The following PCSK5 variants were observed in gnomAD, a reference collection of about 807,000 sequenced individuals.
PCSK5 encodes prohormone convertase 5.
A neutral mutation model predicts 233.2 loss-of-function variants in PCSK5; 129 were observed. The observed-to-expected ratio is 0.55, with a 90% CI of 0.48 to 0.64. PCSK5 has a LOEUF of 0.64. Ranked by LOEUF, PCSK5 falls within the 30% of genes least tolerant of loss-of-function variation. PCSK5 has a pLI of 0.00. For synonymous variants in PCSK5, 825 were observed against 879.2 expected (o/e 0.94, Z 1.09); for missense variants, 2,076 against 2,430.1 (o/e 0.85, Z 3.06).
intron 10 of PCSK5, among the ~76,000 whole-genome samples, chr9:76,146,659 T>A (rs1823455087): frequency 6.6e-6 from 1 of 152,032 alleles, no homozygotes; most frequent in Admixed American, 6.6e-5. Flanking sequence ...CCTCATATGT[T>A]TTCCCCCTTT....
chr9:76,181,368 T>G, intron 15 of PCSK5, 30 bp from the exon 16 acceptor site: 3 of 1,591,848 alleles, frequency 1.9e-6, no homozygotes, highest in Non-Finnish European at 2.6e-6. Context: ...CTCATGACGC[T>G]GCCTTCTTTC....
chr9:75,985,730 C>T (rs1474237755), intron 2 of PCSK5, among the ~76,000 whole-genome samples: 1 of 152,122 alleles, frequency 6.6e-6, no homozygotes, highest in South Asian at 2.1e-4. Flanking sequence ...ACCACGTGAC[C>T]TGCAAAGCCT....
intron 3 of PCSK5, among the ~76,000 whole-genome samples, chr9:76,015,733 C>G (rs572004798): frequency 8.5e-5 from 13 of 152,334 alleles, no homozygotes; most frequent in Non-Finnish European, 1.6e-4. Context: ...ACAGCCAACT[C>G]TCAGAGAAGT....
intron 35 of PCSK5, among the ~76,000 whole-genome samples, chr9:76,342,206 T>G (rs1332186599): frequency 6.6e-6 from 1 of 152,196 alleles, no homozygotes; most frequent in Non-Finnish European, 1.5e-5. Flanking sequence ...AAAATATTTT[T>G]TTAATGCATA....
At chr9:76,351,533 G>GAAAGAAAGAAAGAAAGAAAGAAAGAAAGA (rs1354864321) in intron 36 of PCSK5, among the ~76,000 whole-genome samples, 1 of 15,824 alleles carries the variant, frequency 6.3e-5, no homozygotes. Flanking sequence ...AGAAAGAAAG[G>GAAAGAAAGAAAGAAAGAAAGAAAGAAAGA]AAGGAAAGAA....
intron 8 of PCSK5, among the ~76,000 whole-genome samples, chr9:76,103,590 A>T (rs139489893): frequency 1.3e-5 from 2 of 152,206 alleles, no homozygotes; most frequent in Admixed American, 6.5e-5. Context: ...GTGATGGTTC[A>T]TCTTAGTGGA....
At chr9:76,265,186 A>G (rs961761621) in intron 24 of PCSK5, among the ~76,000 whole-genome samples, 1 of 152,126 alleles carries the variant, frequency 6.6e-6, no homozygotes, top group Non-Finnish European at 1.5e-5. Context: ...GTTCTCATTT[A>G]TAAAAGGGAA....
At chr9:76,343,520 T>G (rs1829896362) in intron 35 of PCSK5, among the ~76,000 whole-genome samples, 1 of 152,114 alleles carries the variant, frequency 6.6e-6, no homozygotes, top group African/African-American at 2.4e-5. Context: ...AATTTTAATT[T>G]AGTATGTTTG....
At chr9:75,950,145 G>GT (rs1824781936) in intron 2 of PCSK5, among the ~76,000 whole-genome samples, 2 of 29,472 alleles carry the variant, frequency 6.8e-5, no homozygotes, top group Non-Finnish European at 1.4e-4. Context: ...GTGTGTGTGT[G>GT]GGGGGGGCGG....
rs1194065453 is a variant in PCSK5 at position 76,360,552 on chromosome 9, T to G, written c.*1630T>G. 1 of 152,228 alleles carries G rather than the reference T, an allele frequency of 6.6e-6. No individual in the cohort carries two copies. Among genetic ancestry groups the G allele is most frequent in the Non-Finnish European group, 1.5e-5 (1 of 68,032 alleles). The allele number at this position is 152,228 out of a possible 1,614,324, so 9.4% of individuals were successfully genotyped here. Reference sequence around the variant, plus strand: ...TTTACTAAATTCATGGATTTTCTTTTTTTAACATAATGTATCACTGACACA... The same window carrying G: ...TTTACTAAATTCATGGATTTTCTTTGTTTAACATAATGTATCACTGACACA... On this transcript the variant is annotated 3_prime_UTR_variant, in exon 38 of 38. Transcript: ENST00000674117.
chr9:76,216,211 C>G (rs551947204), intron 20 of PCSK5, among the ~76,000 whole-genome samples: 1 of 152,102 alleles, frequency 6.6e-6, no homozygotes, highest in African/African-American at 2.4e-5. Flanking sequence ...ACAGAGGCTA[C>G]AATGCCACTG....
chr9:76,135,894 G>C (rs1157732707), intron 10 of PCSK5, among the ~76,000 whole-genome samples: 1 of 152,022 alleles, frequency 6.6e-6, no homozygotes, highest in Non-Finnish European at 1.5e-5. Context: ...AGAGCAAATG[G>C]TTCTAACAAA....
At position 76,353,791 on chromosome 9, in the gene PCSK5, C is replaced by T. The variant is rs536139009; in HGVS notation, c.5068-242C>T. Among the ~76,000 whole-genome samples the T allele has an allele frequency of 1.3e-3, 194 of 152,310 alleles. No homozygotes were observed. The Middle Eastern group carries it at 0.017, about 13-fold the overall frequency. On this transcript the variant is annotated intron_variant, in intron 36 of 37. Transcript: ENST00000674117. ...AGCTCCTAACCCAAACTGTTCTAGA[C>T]GTCTGCTCTCCCACTGTTATTAGCA...
chr9:76,281,824 T>C (rs571822351), intron 24 of PCSK5, among the ~76,000 whole-genome samples: 6 of 152,190 alleles, frequency 3.9e-5, no homozygotes, highest in Non-Finnish European at 5.9e-5. Flanking sequence ...AATTTTCATA[T>C]TTTTTATAGA....
intron 3 of PCSK5, among the ~76,000 whole-genome samples, chr9:75,995,781 A>ACACT (rs1491211865): frequency 3.6e-4 from 52 of 145,460 alleles, no homozygotes; most frequent in Middle Eastern, 3.6e-3. Flanking sequence ...ACACACACAC[A>ACACT]CTCACACCTC....
intron 9 of PCSK5, among the ~76,000 whole-genome samples, chr9:76,127,808 C>T (rs559429541): frequency 3.3e-5 from 5 of 152,234 alleles, no homozygotes; most frequent in Admixed American, 2.6e-4. Context: ...ATTTCCATTA[C>T]CTCAAATTCT....
chr9:76,174,910 GAGA>G, intron 13 of PCSK5, 73 bp from the exon 14 acceptor site: 4 of 1,366,482 alleles, frequency 2.9e-6, no homozygotes, highest in Non-Finnish European at 4.0e-6. Context: ...TTTCTTGAGT[GAGA>G]AGGACTTAAA....
At chr9:75,959,958 A>AT (rs1825269856) in intron 2 of PCSK5, among the ~76,000 whole-genome samples, 1 of 152,182 alleles carries the variant, frequency 6.6e-6, no homozygotes, top group African/African-American at 2.4e-5. Flanking sequence ...AGATATTGTA[A>AT]TTCCTATTCT....
chr9:75,895,926 G>A (rs1825782736), intron 1 of PCSK5, among the ~76,000 whole-genome samples: 1 of 152,184 alleles, frequency 6.6e-6, no homozygotes, highest in African/African-American at 2.4e-5. Flanking sequence ...TGAATTCTGG[G>A]TGCTTATGGA....
Sources: gnomAD v4.1 joint callset for allele counts (sites outside exome capture counted in the v4.1 genomes callset) on GRCh38, gnomAD v4.1.1 for gene constraint, MANE v1.5 for transcripts, NCBI Gene and HGNC (gene_info 2026-07-23, HGNC 2026-07-21) for gene names.